The following AP2M1 variants were observed in gnomAD, a reference collection of about 807,000 sequenced individuals.
AP2M1 encodes adaptor related protein complex 2 subunit mu 1, also known as AP-2 complex subunit mu.
Under a neutral mutation model 54.5 loss-of-function variants are expected in AP2M1, and 5 were observed. The observed-to-expected ratio is 0.09, with a 90% CI of 0.05 to 0.19. AP2M1 has a LOEUF of 0.19. AP2M1 is among the 10% of genes least tolerant of loss of function. The pLI is 1.00. For missense variants in AP2M1, 178 were observed against 580.2 expected (o/e 0.31, Z 7.12); for synonymous variants, 186 against 208.2 (o/e 0.89, Z 0.92).
chr3:184,181,020 C>G lies in AP2M1; in HGVS notation c.565+36C>G. The G allele has an allele frequency of 6.2e-7, 1 of 1,614,080 alleles. No individual in the cohort carries two copies. Among genetic ancestry groups the G allele is most frequent in the Non-Finnish European group, 8.5e-7 (1 of 1,179,966 alleles). ...TCTCACGACAAAGTTGGAGGGGGCC[C>G]AGGGCAGGATCCTGGGCCTGCCTGC... On this transcript the variant is annotated intron_variant, in intron 6 of 11. Coordinates refer to ENST00000292807, the MANE Select transcript of AP2M1 (RefSeq NM_004068.4). This position sits in a 1 kb window ranked among gnomAD's most constrained non-coding sequence, Gnocchi z 5.7.
chr3:184,181,018 C>T lies in AP2M1; in HGVS notation c.565+34C>T, dbSNP rs1387021721. 3.1e-5 allele frequency: 50 copies of T among 1,613,914 alleles called. No homozygotes were observed. The highest frequency in any genetic ancestry group is 4.0e-5 in the African/African-American group (3 of 74,910). ...CCTCTCACGACAAAGTTGGAGGGGG[C>T]CCAGGGCAGGATCCTGGGCCTGCCT... On this transcript the variant is annotated intron_variant, in intron 6 of 11. Coordinates refer to ENST00000292807, the MANE Select transcript of AP2M1 (RefSeq NM_004068.4). The surrounding 1 kb of genome is among the most constrained non-coding windows in gnomAD (Gnocchi z 5.7).
rs1033331156 is a variant in AP2M1, at chr3:184,174,946, G to A, written c.-57G>A. 23 of 398,736 alleles carry A rather than the reference G, an allele frequency of 5.8e-5. No individual in the cohort carries two copies. The highest frequency in any genetic ancestry group is 9.3e-5 in the Non-Finnish European group (21 of 226,256). The allele number at this position is 398,736 out of a possible 1,614,324, so 24.7% of individuals were successfully genotyped here. On this transcript the variant is annotated 5_prime_UTR_variant, in exon 1 of 12. Coordinates refer to ENST00000292807, the MANE Select transcript of AP2M1 (RefSeq NM_004068.4). ...AGTGGCCGGGCCGGCAGAGCAGGGG[G>A]CCGAGGACACCAGGTGAGCCGGGGA...
intron 3 of AP2M1, 102 bp downstream of exon 3, chr3:184,179,224 G>C (rs1715189703): frequency 7.7e-6 from 11 of 1,426,646 alleles, no homozygotes; most frequent in Non-Finnish European, 1.1e-5. Context: ...GGTACACTCT[G>C]AACTTTCTTT....
intron 2 of AP2M1, chr3:184,177,983 C>A: frequency 3.1e-6 from 2 of 638,010 alleles, no homozygotes; most frequent in South Asian, 1.8e-5. Context: ...GTGGCAAGGC[C>A]TGGCCTGTCT....
rs117568608 is a variant in AP2M1 at position 184,184,055 on chromosome 3, C to T, written c.*439C>T. 2.2e-3 allele frequency: 383 copies of T among 177,638 alleles called. 8 individuals carry two copies. The East Asian group carries it at 0.04, about 19-fold the overall frequency. 11.0% of individuals were successfully genotyped at this position (177,638 alleles called of 1,614,324 possible). ...GCTTCATTTTGTACACGTGTGACTTCGTCCAGTTACAAACCCAATAAACTC... is the reference window on the plus strand; with the variant it reads ...GCTTCATTTTGTACACGTGTGACTTTGTCCAGTTACAAACCCAATAAACTC... On this transcript the variant is annotated 3_prime_UTR_variant, in exon 12 of 12. Coordinates refer to ENST00000292807, the MANE Select transcript of AP2M1 (RefSeq NM_004068.4).
chr3:184,178,932 T>C lies in AP2M1; in HGVS notation c.150T>C (p.Ile50=). ...AGGTGCGCAGCCCCGTCACCAACAT[T>C]GCTCGCACCAGCTTCTTCCACGTTA... The part of the protein sequence containing the change: ...RQQVRSPVTN[I]ARTSFFHVKR... The change falls in exon 3 of 12, where the codon ATT becomes ATC. Residue 50 remains isoleucine, a synonymous_variant. Transcript: ENST00000292807. This position sits in a 1 kb window ranked among gnomAD's most constrained non-coding sequence, Gnocchi z 4.9. 1.2e-6 allele frequency: 2 copies of C among 1,614,162 alleles called. No homozygotes were observed. The highest frequency in any genetic ancestry group is 1.7e-6 in the Non-Finnish European group (2 of 1,180,040).
chr3:184,178,010 AC>A lies in AP2M1; in HGVS notation c.75-841del. The A allele has an allele frequency of 1.5e-5, 10 of 655,518 alleles. No individual in the cohort carries two copies. Among genetic ancestry groups the A allele is most frequent in the East Asian group, 2.8e-5 (1 of 36,294 alleles). The allele number at this position is 655,518 out of a possible 1,614,324, so 40.6% of individuals were successfully genotyped here. A position where few individuals can be genotyped will look rare whatever the true frequency, so the allele number is the denominator to read the frequency against. ...GGCCTGTCTGAACCTGGCTGGCTAC[AC>A]CCCCCACCCCAGACCCCCTCCTGCC... On this transcript the variant is annotated intron_variant, in intron 2 of 11. Coordinates refer to ENST00000292807, the MANE Select transcript of AP2M1 (RefSeq NM_004068.4). The surrounding 1 kb of genome is among the most constrained non-coding windows in gnomAD (Gnocchi z 4.9).
In AP2M1 at chr3:184,182,738, A is replaced by C; in HGVS notation, c.1062-19A>C. The stretch of plus-strand genomic sequence containing the variant: ...TCCTCCAAGCCCCAATGGGCTGCCC[A>C]TTGTCCCTGTGTTCCCAGGATCAAG... On this transcript the variant is annotated intron_variant, in intron 10 of 11. Coordinates refer to ENST00000292807, the MANE Select transcript of AP2M1 (RefSeq NM_004068.4). The surrounding 1 kb of genome is among the most constrained non-coding windows in gnomAD (Gnocchi z 5.5). The C allele has an allele frequency of 6.2e-7, 1 of 1,609,980 alleles. No individual in the cohort carries two copies.
At position 184,178,803 on chromosome 3, in the gene AP2M1, T is replaced by C; in HGVS notation, c.75-54T>C. On this transcript the variant is annotated intron_variant, in intron 2 of 11. Transcript: ENST00000292807. The surrounding 1 kb of genome is among the most constrained non-coding windows in gnomAD (Gnocchi z 4.9). ...TGTTAGCAGCTGTGGTTGATCCTTA[T>C]GGGGTAAGGTTCACCTGGGTGCTGA... is the stretch of plus-strand genomic sequence containing the variant. 6 of 1,589,250 alleles carry C rather than the reference T, an allele frequency of 3.8e-6. No individual in the cohort carries two copies. The highest frequency in any genetic ancestry group is 1.1e-5 in the South Asian group (1 of 88,474).
chr3:184,182,945 G>C lies in AP2M1; in HGVS notation c.1173+77G>C, dbSNP rs1261095972. On this transcript the variant is annotated intron_variant, in intron 11 of 11. Coordinates refer to ENST00000292807, the MANE Select transcript of AP2M1 (RefSeq NM_004068.4). This position sits in a 1 kb window ranked among gnomAD's most constrained non-coding sequence, Gnocchi z 5.5. ...TTAGAGATCATTCCGATAAACTGCT[G>C]CACCTTAGAGGTGAGGAAACTGAGG... The C allele has an allele frequency of 8.3e-7, 1 of 1,211,114 alleles. No homozygotes were observed. The highest frequency in any genetic ancestry group is 1.2e-6 in the Non-Finnish European group (1 of 829,282). The allele number at this position is 1,211,114 out of a possible 1,614,324, so 75.0% of individuals were successfully genotyped here. A position where few individuals can be genotyped will look rare whatever the true frequency, so the allele number is the denominator to read the frequency against.
chr3:184,180,576 A>C lies in AP2M1; in HGVS notation c.424-69A>C, dbSNP rs775748879. 6.2e-7 allele frequency: 1 copy of C among 1,611,488 alleles called. No individual in the cohort carries two copies. The highest frequency in any genetic ancestry group is 8.5e-7 in the Non-Finnish European group (1 of 1,179,388). On this transcript the variant is annotated intron_variant, in intron 4 of 11. Coordinates refer to ENST00000292807, the MANE Select transcript of AP2M1 (RefSeq NM_004068.4). This position sits in a 1 kb window ranked among gnomAD's most constrained non-coding sequence, Gnocchi z 4.9. ...CTCTCCTCTAGGATCCAAGCCTCAT[A>C]GCTTTCTCCTCCTTTTCTGCCTCCC...
In AP2M1 at chr3:184,183,751, G is replaced by A; in HGVS notation, c.*135G>A. ...TCCCTTTGCACCAGCCCGAGTCTAGGTCTGGGCCAAGCACATTACAAGTGG... is the reference window on the plus strand; with the variant it reads ...TCCCTTTGCACCAGCCCGAGTCTAGATCTGGGCCAAGCACATTACAAGTGG... On this transcript the variant is annotated 3_prime_UTR_variant, in exon 12 of 12. Transcript: ENST00000292807. This position sits in a 1 kb window ranked among gnomAD's most constrained non-coding sequence, Gnocchi z 5.7. The A allele has an allele frequency of 1.8e-6, 2 of 1,108,224 alleles. No homozygotes were observed. Among genetic ancestry groups the A allele is most frequent in the Non-Finnish European group, 2.6e-6 (2 of 783,284 alleles). 68.6% of individuals were successfully genotyped at this position (1,108,224 alleles called of 1,614,324 possible).
chr3:184,175,373 C>T (rs1715034311), intron 1 of AP2M1, among the ~76,000 whole-genome samples: 1 of 152,136 alleles, frequency 6.6e-6, no homozygotes, highest in Non-Finnish European at 1.5e-5. Flanking sequence ...GCACCCCCTC[C>T]TCTTAGTTCA....
Position 184,180,724 on chromosome 3 carries a change from G to C in AP2M1, c.429+74G>C. The C allele has an allele frequency of 6.2e-7, 1 of 1,614,170 alleles. No homozygotes were observed. Among genetic ancestry groups the C allele is most frequent in the Non-Finnish European group, 8.5e-7 (1 of 1,180,010 alleles). ...CAGGCCCTGCCCTTTGGGGCTTATAGGGGAAAATGGATTACAGGTGGGGAC... is the reference window on the plus strand; with the variant it reads ...CAGGCCCTGCCCTTTGGGGCTTATACGGGAAAATGGATTACAGGTGGGGAC... On this transcript the variant is annotated intron_variant, in intron 5 of 11. Coordinates refer to ENST00000292807, the MANE Select transcript of AP2M1 (RefSeq NM_004068.4). The surrounding 1 kb of genome is among the most constrained non-coding windows in gnomAD (Gnocchi z 4.9).
chr3:184,176,591 GC>G (rs1403497446), intron 1 of AP2M1, among the ~76,000 whole-genome samples: 1 of 152,074 alleles, frequency 6.6e-6, no homozygotes, highest in Non-Finnish European at 1.5e-5. Context: ...AGGCAGGCAA[GC>G]CTTAGTGAGT....
At chr3:184,179,965 T>C (rs1208491039) in intron 3 of AP2M1, 6 of 608,584 alleles carry the variant, frequency 9.9e-6, no homozygotes, top group Non-Finnish European at 1.2e-5. Context: ...CTGGCCTTGA[T>C]TTCTCTATTT....
Position 184,178,157 on chromosome 3 carries a change from C to T in AP2M1, c.75-700C>T. 2 of 1,512,228 alleles carry T rather than the reference C, an allele frequency of 1.3e-6. No individual in the cohort carries two copies. Among genetic ancestry groups the T allele is most frequent in the Non-Finnish European group, 1.8e-6 (2 of 1,125,148 alleles). The allele number at this position is 1,512,228 out of a possible 1,614,324, so 93.7% of individuals were successfully genotyped here. On this transcript the variant is annotated intron_variant, in intron 2 of 11. Transcript: ENST00000292807. This position sits in a 1 kb window ranked among gnomAD's most constrained non-coding sequence, Gnocchi z 4.9. Reference sequence around the variant, plus strand: ...GTGTGTCTAACCCTCTCTCTCGTTGCTATCACTCTCCTCTTCTTGCTGGCG... The same window carrying T: ...GTGTGTCTAACCCTCTCTCTCGTTGTTATCACTCTCCTCTTCTTGCTGGCG...
Position 184,177,576 on chromosome 3 carries a change from T to C in AP2M1, c.74+509T>C, listed in dbSNP as rs752060957. 3.3e-4 allele frequency: 503 copies of C among 1,536,030 alleles called. 1 individual carries two copies. The highest frequency in any genetic ancestry group is 4.6e-4 in the South Asian group (39 of 84,054). On this transcript the variant is annotated intron_variant, in intron 2 of 11. Coordinates refer to ENST00000292807, the MANE Select transcript of AP2M1 (RefSeq NM_004068.4). ...AGGCTGCTGACTCAGCTGTCTTCAGTTCCTCTGGCCCATTCCCTGGGGAGT... is the reference window on the plus strand; with the variant it reads ...AGGCTGCTGACTCAGCTGTCTTCAGCTCCTCTGGCCCATTCCCTGGGGAGT...
At position 184,180,388 on chromosome 3, in the gene AP2M1, G is replaced by A. The variant is rs1715231262; in HGVS notation, c.423+137G>A. 2.5e-6 allele frequency: 3 copies of A among 1,202,038 alleles called. No individual in the cohort carries two copies. Among genetic ancestry groups the A allele is most frequent in the Non-Finnish European group, 3.5e-6 (3 of 854,360 alleles). 74.5% of individuals were successfully genotyped at this position (1,202,038 alleles called of 1,614,324 possible). On this transcript the variant is annotated intron_variant, in intron 4 of 11. Transcript: ENST00000292807. The surrounding 1 kb of genome is among the most constrained non-coding windows in gnomAD (Gnocchi z 4.9). ...CTGGCCTGAGCCTCCTGCCATGATT[G>A]CAGGCCGATTTTGCTCTGTGTGGTC... is the stretch of plus-strand genomic sequence containing the variant.
Sources: gnomAD v4.1 joint callset for allele counts (sites outside exome capture counted in the v4.1 genomes callset) on GRCh38, gnomAD v4.1.1 for gene constraint, Gnocchi (gnomAD v3.1) non-coding constraint, MANE v1.5 for transcripts, NCBI Gene and HGNC (gene_info 2026-07-23, HGNC 2026-07-21) for gene names.